The following SH3KBP1 variants were observed in gnomAD, a reference collection of about 807,000 sequenced individuals.
The protein encoded by SH3KBP1 is SH3 domain containing kinase binding protein 1.
Under a neutral mutation model 50.1 loss-of-function variants are expected in SH3KBP1, and 8 were observed. The ratio of observed to expected loss-of-function variants is 0.16; its 90% CI spans 0.09 to 0.29. The LOEUF (loss-of-function observed/expected upper bound fraction) is 0.29. SH3KBP1 is among the 10% of genes least tolerant of loss of function. The pLI is 1.00. For synonymous variants in SH3KBP1, 227 were observed against 218.6 expected, an observed-to-expected ratio of 1.04 and a Z score of -0.34; for missense variants, 377 against 535.2, an observed-to-expected ratio of 0.70 and a Z score of 2.92.
chrX:19,828,706 C>T (rs1446901457), intron 2 of SH3KBP1, among the ~76,000 whole-genome samples: 5 of 111,485 alleles, frequency 4.5e-5, no homozygotes, highest in Non-Finnish European at 9.4e-5. Context: ...ATCACTTGAG[C>T]CCAGGAGTTT....
chrX:19,534,455 A>G lies in SH3KBP1; in HGVS notation c.*1962T>C, dbSNP rs2064661307. 1 of 118,346 alleles carries G rather than the reference A, an allele frequency of 8.4e-6. No homozygotes were observed. The allele number at this position is 118,346 out of a possible 1,213,427, so 9.8% of individuals were successfully genotyped here. ...CTGTATACACATTATATAAAACTAT[A>G]TAATTAGGGATTTTCATAAGTAAAT... On this transcript the variant is annotated 3_prime_UTR_variant, in exon 18 of 18. Transcript: ENST00000397821.
intron 2 of SH3KBP1, among the ~76,000 whole-genome samples, chrX:19,825,379 G>T (rs2067643848): frequency 9.0e-6 from 1 of 111,702 alleles, no homozygotes. Flanking sequence ...GACAATAATG[G>T]TGAGGAGCAC....
chrX:19,851,272 T>C (rs1246474739), intron 1 of SH3KBP1, among the ~76,000 whole-genome samples: 1 of 112,019 alleles, frequency 8.9e-6, no homozygotes, highest in Admixed American at 9.5e-5. Flanking sequence ...AGGTTCCACA[T>C]TAACAATGGG....
At chrX:19,626,048 C>T (rs1429259886) in intron 8 of SH3KBP1, among the ~76,000 whole-genome samples, 2 of 111,584 alleles carry the variant, frequency 1.8e-5, no homozygotes, top group Non-Finnish European at 1.9e-5. Flanking sequence ...TGCTGAGCTC[C>T]GGGGAGACTC....
In SH3KBP1 at chrX:19,542,107, C is replaced by T. The variant is rs143070322; in HGVS notation, c.1710G>A (p.Ala570=). 44 of 1,208,793 alleles carry T rather than the reference C, an allele frequency of 3.6e-5. No homozygotes were observed. In the South Asian group the frequency reaches 4.1e-4, roughly 11 times the overall value. ...CCAAAGAGGATGACAGGGGGGAGGGCGCCGCTGAGGACAGAGGGGCTGGCC... is the reference window on the plus strand; with the variant it reads ...CCAAAGAGGATGACAGGGGGGAGGGTGCCGCTGAGGACAGAGGGGCTGGCC... The part of the protein sequence containing the change: ...GGGPAPLSSA[A]PSPLSSSLGT... Residue 570 remains alanine, a synonymous_variant, in exon 16 of 18, where the codon GCG becomes GCA. Coordinates refer to ENST00000397821, the MANE Select transcript of SH3KBP1 (RefSeq NM_031892.3).
At chrX:19,616,527 T>C (rs2067620267) in intron 8 of SH3KBP1, among the ~76,000 whole-genome samples, 1 of 111,862 alleles carries the variant, frequency 8.9e-6, no homozygotes, top group Non-Finnish European at 1.9e-5. Flanking sequence ...AACACCCCTA[T>C]GTCTTCTTCA....
intron 12 of SH3KBP1, among the ~76,000 whole-genome samples, chrX:19,583,129 A>C (rs1048496978): frequency 0.041 from 2,218 of 54,682 alleles, 65 homozygotes; most frequent in African/African-American, 0.28. Flanking sequence ...AATACACATT[A>C]TTATTATTAT....
chrX:19,861,617 G>A (rs2068780443), intron 1 of SH3KBP1, among the ~76,000 whole-genome samples: 1 of 111,551 alleles, frequency 9.0e-6, no homozygotes, highest in Admixed American at 9.5e-5. Context: ...ATTTAACCAT[G>A]TCAATGCAGT....
intron 6 of SH3KBP1, among the ~76,000 whole-genome samples, chrX:19,678,115 T>C (rs59253759): frequency 0.017 from 1,846 of 111,756 alleles, 36 homozygotes; most frequent in African/African-American, 0.056. Flanking sequence ...CAGGCCCATT[T>C]GCCTCTCACA....
chrX:19,770,072 G>T (rs1332711391), intron 2 of SH3KBP1, among the ~76,000 whole-genome samples: 1 of 111,927 alleles, frequency 8.9e-6, no homozygotes, highest in Non-Finnish European at 1.9e-5. Flanking sequence ...CGAAAATAAT[G>T]TCACTAAGTG....
chrX:19,662,233 T>C (rs993829650), intron 6 of SH3KBP1, among the ~76,000 whole-genome samples: 2 of 112,039 alleles, frequency 1.8e-5, no homozygotes, highest in African/African-American at 6.5e-5. Flanking sequence ...GTTAATATCT[T>C]CAGTGACTAG....
chrX:19,785,950 T>C (rs1163214672), intron 2 of SH3KBP1, among the ~76,000 whole-genome samples: 1 of 111,495 alleles, frequency 9.0e-6, no homozygotes, highest in Non-Finnish European at 1.9e-5. Context: ...AGCTGGTGTG[T>C]CATGGGTGCA....
At chrX:19,585,042 G>C (rs2066518964) in intron 12 of SH3KBP1, among the ~76,000 whole-genome samples, 1 of 112,271 alleles carries the variant, frequency 8.9e-6, no homozygotes, top group Non-Finnish European at 1.9e-5. Flanking sequence ...AAGAAAACAA[G>C]TGCATAAACC....
chrX:19,553,810 CA>C (rs1225010521), intron 13 of SH3KBP1, among the ~76,000 whole-genome samples: 14 of 93,436 alleles, frequency 1.5e-4, no homozygotes, highest in Non-Finnish European at 2.7e-4. Context: ...CCGAATACCT[CA>C]GGGGAAGCCA....
At chrX:19,852,861 T>A (rs2068546640) in intron 1 of SH3KBP1, among the ~76,000 whole-genome samples, 1 of 111,254 alleles carries the variant, frequency 9.0e-6, no homozygotes, top group Non-Finnish European at 1.9e-5. Context: ...CAGGAATGCA[T>A]GATCGGAGAG....
chrX:19,738,282 C>G (rs1253590696), intron 3 of SH3KBP1, among the ~76,000 whole-genome samples: 1 of 111,225 alleles, frequency 9.0e-6, no homozygotes. Flanking sequence ...CTGCCTGTCT[C>G]TCCCCGCATC....
intron 12 of SH3KBP1, among the ~76,000 whole-genome samples, chrX:19,585,216 C>T (rs1325516089): frequency 9.0e-6 from 1 of 110,893 alleles, no homozygotes; most frequent in Non-Finnish European, 1.9e-5. Context: ...ACTAAATGTA[C>T]TAAATGTACT....
intron 7 of SH3KBP1, among the ~76,000 whole-genome samples, chrX:19,632,212 G>T (rs16981244): frequency 0.093 from 10,326 of 110,772 alleles, 1,091 homozygotes; most frequent in African/African-American, 0.31. Flanking sequence ...TGACTGCTTT[G>T]CTTTTCTCTG....
intron 15 of SH3KBP1, among the ~76,000 whole-genome samples, chrX:19,543,829 C>G (rs1480121935): frequency 1.8e-5 from 2 of 111,171 alleles, no homozygotes; most frequent in Non-Finnish European, 3.8e-5. Flanking sequence ...GAAGGACAGT[C>G]ATGGGCGAGA....
Sources: allele counts gnomAD v4.1 joint callset (sites outside exome capture counted in the v4.1 genomes callset), GRCh38; gene constraint gnomAD v4.1.1; transcripts MANE v1.5; gene names NCBI Gene and HGNC (gene_info 2026-07-23, HGNC 2026-07-21).